Variants in EYS observed in about 807,000 individuals in gnomAD.
EYS encodes the protein EGF-like photoreceptor maintenance factor, also known as protein eyes shut homolog.
A neutral mutation model predicts 282.1 loss-of-function variants in EYS; 250 were observed. The ratio of observed to expected loss-of-function variants is 0.89; its 90% CI spans 0.80 to 0.98. EYS has a LOEUF of 0.98. EYS is among the 50% of genes least tolerant of loss of function. The pLI, the probability that EYS is intolerant of heterozygous loss-of-function variation, is 0.00. For missense variants in EYS, 4,016 were observed against 3,709.0 expected (o/e 1.08, Z -2.15); for synonymous variants, 1,355 against 1,282.9 (o/e 1.06, Z -1.20).
intron 22 of EYS, among the ~76,000 whole-genome samples, chr6:64,750,070 C>G (rs181245391): frequency 1.8e-3 from 267 of 151,954 alleles, no homozygotes; most frequent in African/African-American, 5.9e-3. Context: ...TTCATCTTTG[C>G]TTGGTTTATT....
chr6:64,646,943 C>G (rs768187142), intron 22 of EYS, among the ~76,000 whole-genome samples: 11 of 151,714 alleles, frequency 7.3e-5, no homozygotes, highest in Admixed American at 2.6e-4. Flanking sequence ...TTATGACAAA[C>G]ATTTGTAAGG....
At chr6:64,962,144 C>T (rs1769942465) in intron 14 of EYS, among the ~76,000 whole-genome samples, 1 of 152,064 alleles carries the variant, frequency 6.6e-6, no homozygotes, top group African/African-American at 2.4e-5. Context: ...AGTTGCTATT[C>T]TTCTCAGTAT....
intron 13 of EYS, among the ~76,000 whole-genome samples, chr6:65,033,573 T>C (rs763464836): frequency 1.3e-5 from 2 of 152,144 alleles, no homozygotes; most frequent in Non-Finnish European, 2.9e-5. Context: ...TTCTGGAGAA[T>C]GCAAGTCAAA....
At chr6:63,999,419 A>G (rs2149802502) in intron 33 of EYS, among the ~76,000 whole-genome samples, 1 of 152,334 alleles carries the variant, frequency 6.6e-6, no homozygotes, top group East Asian at 1.9e-4. Flanking sequence ...TGGACATGGA[A>G]TGCTTTCAGA....
chr6:63,958,357 T>C (rs892654997), intron 35 of EYS, among the ~76,000 whole-genome samples: 1 of 104,572 alleles, frequency 9.6e-6, no homozygotes, highest in Non-Finnish European at 2.5e-5. Flanking sequence ...AATCTGGCAA[T>C]GGAAGAGAAT....
At chr6:65,531,438 C>G (rs1767765154) in intron 2 of EYS, among the ~76,000 whole-genome samples, 1 of 152,114 alleles carries the variant, frequency 6.6e-6, no homozygotes, top group Non-Finnish European at 1.5e-5. Context: ...TTAAATGGAA[C>G]ATGAGGCAAG....
intron 12 of EYS, among the ~76,000 whole-genome samples, chr6:65,062,077 T>G (rs1400338585): frequency 6.6e-6 from 1 of 152,040 alleles, no homozygotes; most frequent in Middle Eastern, 3.4e-3. Flanking sequence ...ATCAACTGAT[T>G]TACAGAAACC....
chr6:65,274,927 AG>A (rs1768002669), intron 12 of EYS, among the ~76,000 whole-genome samples: 1 of 151,744 alleles, frequency 6.6e-6, no homozygotes, highest in Non-Finnish European at 1.5e-5. Context: ...AGAGAGAGAG[AG>A]AGAGAGACAA....
intron 36 of EYS, among the ~76,000 whole-genome samples, chr6:63,816,041 C>T (rs1386902751): frequency 2.0e-5 from 3 of 152,014 alleles, no homozygotes; most frequent in Non-Finnish European, 2.9e-5. Context: ...TGGCATCTTG[C>T]AAAATACTAA....
At chr6:65,198,288 T>C (rs1235575142) in intron 12 of EYS, among the ~76,000 whole-genome samples, 3 of 152,114 alleles carry the variant, frequency 2.0e-5, no homozygotes, top group Non-Finnish European at 4.4e-5. Flanking sequence ...GGCTGCCTTC[T>C]GGAATACCCT....
At chr6:65,451,703 G>GT (rs1484118419) in intron 5 of EYS, among the ~76,000 whole-genome samples, 2 of 151,676 alleles carry the variant, frequency 1.3e-5, no homozygotes, top group African/African-American at 4.9e-5. Flanking sequence ...GAAACACACT[G>GT]TTTTTTTAAT....
chr6:63,886,626 AT>A (rs902659206), intron 35 of EYS, among the ~76,000 whole-genome samples: 1 of 151,904 alleles, frequency 6.6e-6, no homozygotes, highest in African/African-American at 2.4e-5. Flanking sequence ...TCTGCTTTGA[AT>A]TTTTTTTAGT....
At chr6:65,183,846 GA>G (rs1194751160) in intron 12 of EYS, among the ~76,000 whole-genome samples, 2 of 151,762 alleles carry the variant, frequency 1.3e-5, no homozygotes, top group African/African-American at 2.4e-5. Flanking sequence ...ATCAATGAGT[GA>G]AATAAAATTT....
chr6:65,621,732 C>G (rs1766503168), intron 2 of EYS, among the ~76,000 whole-genome samples: 1 of 151,532 alleles, frequency 6.6e-6, no homozygotes, highest in Admixed American at 6.6e-5. Context: ...TTCAGGAGCT[C>G]TTTTAGGGCA....
At chr6:63,783,097 C>T (rs565849114) in intron 39 of EYS, among the ~76,000 whole-genome samples, 2 of 152,028 alleles carry the variant, frequency 1.3e-5, no homozygotes, top group East Asian at 3.9e-4. Context: ...AAAGTACTGA[C>T]CGTGTTGGCT....
At chr6:64,322,674 T>C (rs941392812) in intron 29 of EYS, among the ~76,000 whole-genome samples, 2 of 152,118 alleles carry the variant, frequency 1.3e-5, no homozygotes, top group South Asian at 4.1e-4. Context: ...ATAATCATTT[T>C]CTCTGGAGGA....
chr6:64,662,073 G>T (rs2149888917), intron 22 of EYS, among the ~76,000 whole-genome samples: 1 of 151,676 alleles, frequency 6.6e-6, no homozygotes, highest in Admixed American at 6.6e-5. Flanking sequence ...ATGAGTTCAT[G>T]TCCTTTGTAG....
chr6:64,051,242 A>G (rs1770799347), intron 33 of EYS, among the ~76,000 whole-genome samples: 1 of 152,204 alleles, frequency 6.6e-6, no homozygotes, highest in Non-Finnish European at 1.5e-5. Context: ...GTGGAGAAAT[A>G]GTGATTAAAA....
At chr6:64,840,673 G>A (rs1765535420) in intron 19 of EYS, among the ~76,000 whole-genome samples, 1 of 151,926 alleles carries the variant, frequency 6.6e-6, no homozygotes, top group East Asian at 1.9e-4. Flanking sequence ...TAAAGCCACT[G>A]GTATCAAATA....
Sources: gnomAD v4.1 joint callset for allele counts (sites outside exome capture counted in the v4.1 genomes callset) on GRCh38, gnomAD v4.1.1 for gene constraint, MANE v1.5 for transcripts, NCBI Gene and HGNC (gene_info 2026-07-23, HGNC 2026-07-21) for gene names.